The following LETM1 variants were observed in gnomAD, a reference collection of about 807,000 sequenced individuals.
The protein encoded by LETM1 is mitochondrial proton/calcium exchanger protein.
Under a neutral mutation model 74.5 loss-of-function variants are expected in LETM1, and 50 were observed. That is an observed-to-expected ratio of 0.67 (90% CI 0.53 to 0.85). The LOEUF is 0.85. LETM1 is among the 40% of genes least tolerant of loss of function. The pLI is 0.00. For missense variants in LETM1, 824 were observed against 967.8 expected, an observed-to-expected ratio of 0.85 and a Z score of 1.97; for synonymous variants, 446 against 407.1, an observed-to-expected ratio of 1.10 and a Z score of -1.15.
chr4:1,848,493 A>G (rs1231474966), intron 2 of LETM1, among the ~76,000 whole-genome samples: 1 of 149,966 alleles, frequency 6.7e-6, no homozygotes. Context: ...TCTTGCAGTG[A>G]GCTGATATTG....
chr4:1,817,810 C>T (rs1222029654), intron 11 of LETM1, among the ~76,000 whole-genome samples: 1 of 152,122 alleles, frequency 6.6e-6, no homozygotes, highest in African/African-American at 2.4e-5. Flanking sequence ...CTTGCTCTGT[C>T]ACCCAGACTG....
chr4:1,836,030 G>A lies in LETM1; in HGVS notation c.738+399C>T, dbSNP rs189353155. Among the ~76,000 whole-genome samples, 4 of 152,194 alleles carry A rather than the reference G, an allele frequency of 2.6e-5. No homozygotes were observed. Among genetic ancestry groups the A allele is most frequent in the Admixed American group, 1.3e-4 (2 of 15,266 alleles). ...CTTGAGGCTGCAGTGAGCCGTGATC[G>A]CACCACTGCACTCCAGCCTGGGTGA... On this transcript the variant is annotated intron_variant, in intron 4 of 13. Coordinates refer to ENST00000302787, the MANE Select transcript of LETM1 (RefSeq NM_012318.3). The surrounding 1 kb of genome is among the most constrained non-coding windows in gnomAD (Gnocchi z 5.8).
At chr4:1,850,392 C>G (rs1363467739) in intron 1 of LETM1, among the ~76,000 whole-genome samples, 1 of 152,158 alleles carries the variant, frequency 6.6e-6, no homozygotes, top group Non-Finnish European at 1.5e-5. Flanking sequence ...GGAGGGAGCA[C>G]TCCTACCGGT....
Position 1,834,641 on chromosome 4 carries a change from C to A in LETM1, c.876+204G>T. Reference sequence around the variant, plus strand: ...CATAATTCTGAAGGCTGACGAGGCGCAGCCACCACAGCTTAACTCACTGGG... The same window carrying A: ...CATAATTCTGAAGGCTGACGAGGCGAAGCCACCACAGCTTAACTCACTGGG... On this transcript the variant is annotated intron_variant, in intron 5 of 13. Coordinates refer to ENST00000302787, the MANE Select transcript of LETM1 (RefSeq NM_012318.3). The surrounding 1 kb of genome is among the most constrained non-coding windows in gnomAD (Gnocchi z 5.0). 7.1e-7 allele frequency: 1 copy of A among 1,402,480 alleles called. No homozygotes were observed. Among genetic ancestry groups the A allele is most frequent in the Non-Finnish European group, 9.3e-7 (1 of 1,080,824 alleles). The allele number at this position is 1,402,480 out of a possible 1,614,324, so 86.9% of individuals were successfully genotyped here.
intron 6 of LETM1, among the ~76,000 whole-genome samples, 161 bp from the exon 7 acceptor site, chr4:1,825,844 G>C (rs1193777541): frequency 6.6e-6 from 1 of 152,180 alleles, no homozygotes; most frequent in Non-Finnish European, 1.5e-5. Flanking sequence ...CTGGAAGCCT[G>C]TGACGGAGGG....
chr4:1,827,282 T>G (rs1419353287), intron 6 of LETM1, among the ~76,000 whole-genome samples: 5 of 150,550 alleles, frequency 3.3e-5, no homozygotes, highest in Non-Finnish European at 7.4e-5. Context: ...TTCTTTTTTT[T>G]TTTTTTTTTT....
At chr4:1,826,971 G>A (rs951574858) in intron 6 of LETM1, among the ~76,000 whole-genome samples, 3 of 151,976 alleles carry the variant, frequency 2.0e-5, no homozygotes, top group African/African-American at 2.4e-5. Context: ...CTCAGGTGTC[G>A]CCTCCACTCG....
rs1577330960 is a variant in LETM1, at chr4:1,855,055, T to C, written c.82+814A>G. ...ACTACAAAAAAAAAAATTAGCTGGG[T>C]GTTGTGTGGCACAACTAACAACTTG... On this transcript the variant is annotated intron_variant, in intron 1 of 13. Coordinates refer to ENST00000302787, the MANE Select transcript of LETM1 (RefSeq NM_012318.3). 2.0e-5 allele frequency among the ~76,000 whole-genome samples: 3 copies of C among 151,452 alleles called. No individual in the cohort carries two copies. The South Asian group carries it at 6.2e-4, about 31-fold the overall frequency.
chr4:1,849,198 C>A lies in LETM1; in HGVS notation c.94G>T (p.Asp32Tyr), dbSNP rs375368844. ...CTGGCACAGCTGAGATGAGCAGGAT[C>A]CCCTGGACTACCTGTAACAGGAACA... ...RYTVPRGSPG[D>Y]PAHLSCASTL... The change falls in exon 2 of 14, where the codon GAT (aspartate) becomes TAT (tyrosine). Residue 32 changes from aspartate to tyrosine, a missense_variant. Asp to Tyr is a radical substitution (Grantham distance 160, BLOSUM62 -3). This residue lies in a region of LETM1 where 222 missense variants were observed against 195.6 expected (regional missense o/e 1.14). Coordinates refer to ENST00000302787, the MANE Select transcript of LETM1 (RefSeq NM_012318.3). 28 of 1,612,128 alleles carry A rather than the reference C, an allele frequency of 1.7e-5. No homozygotes were observed. In the African/African-American group the frequency reaches 2.9e-4, roughly 17 times the overall value.
chr4:1,818,510 G>A (rs1392552006), intron 11 of LETM1, among the ~76,000 whole-genome samples: 1 of 151,964 alleles, frequency 6.6e-6, no homozygotes, highest in Non-Finnish European at 1.5e-5. Context: ...CTACTCAGGA[G>A]GCTGAGGCAG....
intron 9 of LETM1, chr4:1,822,598 G>A (rs908316881): frequency 1.4e-5 from 5 of 349,658 alleles, no homozygotes; most frequent in Non-Finnish European, 2.6e-5. Flanking sequence ...GCCTGTGGGT[G>A]GGCACCATGC....
chr4:1,845,171 T>C (rs962013439), intron 2 of LETM1, among the ~76,000 whole-genome samples: 2 of 152,190 alleles, frequency 1.3e-5, no homozygotes, highest in East Asian at 3.9e-4. Flanking sequence ...GCCTGGGCGA[T>C]AGAGTGAGAC....
At chr4:1,814,675 C>T in intron 13 of LETM1, 102 bp from the exon 14 acceptor site, 4 of 968,048 alleles carry the variant, frequency 4.1e-6, no homozygotes, top group Non-Finnish European at 6.4e-6. Flanking sequence ...GGGGTGGCAG[C>T]AGCATGCACG....
In LETM1 at chr4:1,816,716, AC is replaced by A; in HGVS notation, c.1931+10del. 1 of 1,611,048 alleles carries A rather than the reference AC, an allele frequency of 6.2e-7. No homozygotes were observed. The highest frequency in any genetic ancestry group is 8.5e-7 in the Non-Finnish European group (1 of 1,177,732). The stretch of plus-strand genomic sequence containing the variant: ...CTCCGATCCCTCTCCCGCGCCCACC[AC>A]CCCACTCACCCCGTGGGCATGCCGT... On this transcript the variant is annotated intron_variant, in intron 12 of 13. Coordinates refer to ENST00000302787, the MANE Select transcript of LETM1 (RefSeq NM_012318.3).
intron 3 of LETM1, among the ~76,000 whole-genome samples, chr4:1,840,935 G>A (rs1712667588): frequency 6.6e-6 from 1 of 152,208 alleles, no homozygotes; most frequent in African/African-American, 2.4e-5. Context: ...GTGGTGGAGG[G>A]TAGAGGAAAT....
intron 2 of LETM1, among the ~76,000 whole-genome samples, chr4:1,847,867 C>A (rs553254518): frequency 2.1e-5 from 3 of 145,652 alleles, no homozygotes; most frequent in Non-Finnish European, 3.0e-5. Flanking sequence ...GTGTGGTGTG[C>A]GCGCCTGTAA....
At chr4:1,843,860 C>T (rs1305346803) in intron 2 of LETM1, among the ~76,000 whole-genome samples, 1 of 152,218 alleles carries the variant, frequency 6.6e-6, no homozygotes, top group Non-Finnish European at 1.5e-5. Context: ...AGAGCCGAGC[C>T]ACACAGAATG....
In LETM1 at chr4:1,820,837, A is replaced by G. The variant is rs190291246; in HGVS notation, c.1608+1344T>C. On this transcript the variant is annotated intron_variant, in intron 10 of 13. Transcript: ENST00000302787. ...TCAGGAGTTCGAGACCAGCCTGGCC[A>G]ACATGGTGAAACCCCATCTCTACTA... Among the ~76,000 whole-genome samples the G allele has an allele frequency of 6.3e-3, 953 of 152,272 alleles. 14 individuals carry two copies. Among genetic ancestry groups the G allele is most frequent in the African/African-American group, 0.022 (919 of 41,536 alleles).
At chr4:1,821,527 A>T (rs1451454840) in intron 10 of LETM1, among the ~76,000 whole-genome samples, 1 of 151,984 alleles carries the variant, frequency 6.6e-6, no homozygotes, top group African/African-American at 2.4e-5. Flanking sequence ...CCTGTCTACT[A>T]AAAATACAAA....
Sources: allele counts gnomAD v4.1 joint callset (sites outside exome capture counted in the v4.1 genomes callset), GRCh38; gene constraint gnomAD v4.1.1; regional missense constraint gnomAD v4.1.1; non-coding constraint Gnocchi (gnomAD v3.1); transcripts MANE v1.5; gene names NCBI Gene and HGNC (gene_info 2026-07-23, HGNC 2026-07-21).